Variants in CACNA1C observed in about 807,000 individuals in gnomAD.
The protein encoded by CACNA1C is calcium voltage-gated channel subunit alpha1 C.
CACNA1C carries 30 observed loss-of-function variants against 229.0 expected under a neutral mutation model. The ratio of observed to expected loss-of-function variants is 0.13; its 90% CI spans 0.10 to 0.18. CACNA1C has a LOEUF of 0.18. Among genes scored for constraint, CACNA1C ranks in the 10% least tolerant of loss-of-function variants. The pLI is 1.00. For missense variants in CACNA1C, 1,658 were observed against 2,845.0 expected, an observed-to-expected ratio of 0.58 and a Z score of 9.49; for synonymous variants, 1,114 against 1,132.5, an observed-to-expected ratio of 0.98 and a Z score of 0.33.
At chr12:2,257,307 G>A (rs1010320980) in intron 3 of CACNA1C, among the ~76,000 whole-genome samples, 1 of 152,242 alleles carries the variant, frequency 6.6e-6, no homozygotes, top group African/African-American at 2.4e-5. Flanking sequence ...GGACCAGGCT[G>A]TGGTGGGACA....
chr12:2,046,740 C>T (rs957102773), intron 1 of CACNA1C, among the ~76,000 whole-genome samples: 1 of 152,100 alleles, frequency 6.6e-6, no homozygotes, highest in South Asian at 2.1e-4. Flanking sequence ...CTCTGGCTTC[C>T]CCTTGGGACG....
intron 1 of CACNA1C, among the ~76,000 whole-genome samples, chr12:2,073,927 T>A (rs1290414280): frequency 6.6e-6 from 1 of 152,180 alleles, no homozygotes; most frequent in Non-Finnish European, 1.5e-5. Flanking sequence ...GAAAGGACCC[T>A]GAACCATTGC....
intron 3 of CACNA1C, among the ~76,000 whole-genome samples, chr12:2,208,423 C>T (rs1005776418): frequency 4.6e-5 from 7 of 152,294 alleles, no homozygotes; most frequent in African/African-American, 1.7e-4. Flanking sequence ...GGCCTTAAGG[C>T]AAGGTCTTGA....
At position 2,377,305 on chromosome 12, in the gene CACNA1C, G is replaced by A. The variant is rs144277538; in HGVS notation, c.478-71671G>A. 3.2e-4 allele frequency among the ~76,000 whole-genome samples: 49 copies of A among 152,280 alleles called. No individual in the cohort carries two copies. In the Middle Eastern group the frequency reaches 0.024, roughly 74 times the overall value. ...ACAAGCTGGGAGGACTCTCAGCAGA[G>A]CCCTAAGAGGTGATGTTGTCATGCC... On this transcript the variant is annotated intron_variant, in intron 3 of 46. Coordinates refer to ENST00000399655, the MANE Select transcript of CACNA1C (RefSeq NM_000719.7).
intron 3 of CACNA1C, among the ~76,000 whole-genome samples, chr12:2,154,268 C>T (rs1258343904): frequency 2.0e-5 from 3 of 152,204 alleles, no homozygotes; most frequent in Non-Finnish European, 2.9e-5. Context: ...GCTGCAGAGC[C>T]TGGCCGGGGA....
chr12:2,114,025 A>G (rs1010775895), intron 1 of CACNA1C, among the ~76,000 whole-genome samples: 6 of 152,228 alleles, frequency 3.9e-5, no homozygotes, highest in South Asian at 2.1e-4. Flanking sequence ...TTTCCCAGAT[A>G]GCAAATGCTG....
chr12:2,485,064 G>A (rs143916931), intron 5 of CACNA1C, among the ~76,000 whole-genome samples: 79 of 152,186 alleles, frequency 5.2e-4, no homozygotes, highest in African/African-American at 1.8e-3. Context: ...AGGGGCAAGC[G>A]CGGTGGATGA....
At chr12:2,483,983 A>G (rs1049276857) in intron 5 of CACNA1C, among the ~76,000 whole-genome samples, 5 of 152,134 alleles carry the variant, frequency 3.3e-5, no homozygotes, top group African/African-American at 4.8e-5. Context: ...CTCCTTCAGT[A>G]AATATTTACT....
intron 42 of CACNA1C, among the ~76,000 whole-genome samples, chr12:2,680,793 G>A (rs1171258001): frequency 6.6e-6 from 1 of 152,224 alleles, no homozygotes; most frequent in African/African-American, 2.4e-5. Flanking sequence ...CCATCTCCCT[G>A]TCTGCTTTCC....
At chr12:2,205,347 A>G (rs1340751997) in intron 3 of CACNA1C, among the ~76,000 whole-genome samples, 1 of 152,190 alleles carries the variant, frequency 6.6e-6, no homozygotes, top group Non-Finnish European at 1.5e-5. Context: ...GCCTGGGTAC[A>G]GGGAGGAGGG....
At chr12:2,636,739 T>C (rs1226790452) in intron 30 of CACNA1C, among the ~76,000 whole-genome samples, 1 of 152,204 alleles carries the variant, frequency 6.6e-6, no homozygotes, top group Admixed American at 6.5e-5. Context: ...TCCCTCCTGG[T>C]GTACTGCCAC....
rs2039413251 is a variant in CACNA1C, at chr12:1,991,526, ATAAT to A, written c.139+20330_139+20333del. The A allele has an allele frequency of 2.9e-5, 7 of 239,592 alleles. No individual in the cohort carries two copies. The South Asian group carries it at 3.5e-4, about 12-fold the overall frequency. The allele number at this position is 239,592 out of a possible 1,614,324, so 14.8% of individuals were successfully genotyped here. A position where few individuals can be genotyped will look rare whatever the true frequency, so the allele number is the denominator to read the frequency against. Reference sequence around the variant, plus strand: ...TGTCATTTCAACATGTTAATATAAAATAATTAATAATTGAGGTTTTTTCCTTTTT... The same window carrying A: ...TGTCATTTCAACATGTTAATATAAAATAATAATTGAGGTTTTTTCCTTTTT... On this transcript the variant is annotated intron_variant, in intron 1 of 46. Coordinates refer to the CACNA1C transcript ENST00000682462.
intron 3 of CACNA1C, among the ~76,000 whole-genome samples, chr12:2,168,022 A>G (rs999995041): frequency 1.3e-5 from 2 of 152,204 alleles, no homozygotes; most frequent in Admixed American, 6.5e-5. Context: ...AACTCCCACA[A>G]TGGATATTTC....
intron 1 of CACNA1C, among the ~76,000 whole-genome samples, chr12:2,033,506 G>A (rs779389113): frequency 6.6e-6 from 1 of 152,134 alleles, no homozygotes; most frequent in Non-Finnish European, 1.5e-5. Context: ...ACTCCTCTGG[G>A]CTATATGTCT....
At chr12:2,230,260 C>T (rs143344046) in intron 3 of CACNA1C, among the ~76,000 whole-genome samples, 84 of 152,282 alleles carry the variant, frequency 5.5e-4, no homozygotes, top group African/African-American at 2.0e-3. Flanking sequence ...TCGGGAAGGG[C>T]GCCATGGGTG....
chr12:2,624,738 A>G (rs982012412), intron 29 of CACNA1C, among the ~76,000 whole-genome samples: 2 of 152,130 alleles, frequency 1.3e-5, no homozygotes, highest in East Asian at 1.9e-4. Flanking sequence ...GAACCCACAC[A>G]TAGCCTCAGG....
chr12:2,016,340 A>C (rs2045361922), intron 1 of CACNA1C, among the ~76,000 whole-genome samples: 1 of 152,256 alleles, frequency 6.6e-6, no homozygotes, highest in African/African-American at 2.4e-5. Context: ...CCAGGAGCTT[A>C]AAGTTTAATG....
At chr12:2,284,293 ATT>A (rs35238168) in intron 3 of CACNA1C, among the ~76,000 whole-genome samples, 37 of 139,758 alleles carry the variant, frequency 2.6e-4, no homozygotes, top group Admixed American at 9.3e-4. Flanking sequence ...AGACCTCTAG[ATT>A]TTTTTTTTTT....
intron 9 of CACNA1C, among the ~76,000 whole-genome samples, chr12:2,533,966 C>T (rs1197889968): frequency 6.6e-6 from 1 of 152,184 alleles, no homozygotes; most frequent in African/African-American, 2.4e-5. Context: ...TATGTGTCAG[C>T]ACACCAAGCT....
Sources: gnomAD v4.1 joint callset for allele counts (sites outside exome capture counted in the v4.1 genomes callset) on GRCh38, gnomAD v4.1.1 for gene constraint, MANE v1.5 for transcripts, NCBI Gene and HGNC (gene_info 2026-07-23, HGNC 2026-07-21) for gene names.